MAML3: variants seen among roughly 807,000 people sequenced by gnomAD.
MAML3 encodes mastermind like transcriptional coactivator 3, also known as mastermind-like protein 3.
In MAML3, 27 loss-of-function variants were observed where a neutral mutation model predicts 101.9. The observed-to-expected ratio is 0.27, with a 90% CI of 0.20 to 0.37. The LOEUF (loss-of-function observed/expected upper bound fraction) is 0.37. Among genes scored for constraint, MAML3 ranks in the 10% least tolerant of loss-of-function variants. The probability of loss-of-function intolerance (pLI) is 1.00; values close to 1 mark genes in which losing one functional copy is unlikely to be tolerated. For synonymous variants in MAML3, 501 were observed against 555.9 expected (o/e 0.90, Z 1.39); for missense variants, 1,316 against 1,444.9 (o/e 0.91, Z 1.45).
chr4:140,144,228 T>C (rs1235649848), intron 1 of MAML3, among the ~76,000 whole-genome samples: 1 of 152,070 alleles, frequency 6.6e-6, no homozygotes, highest in East Asian at 1.9e-4. Flanking sequence ...TCCTGGGGTA[T>C]GGCCAAACCT....
intron 2 of MAML3, among the ~76,000 whole-genome samples, chr4:139,797,917 T>C (rs1436436232): frequency 6.6e-6 from 1 of 151,860 alleles, no homozygotes; most frequent in Admixed American, 6.6e-5. Context: ...AATATCCATA[T>C]TTTAGAATTG....
intron 1 of MAML3, among the ~76,000 whole-genome samples, chr4:139,893,839 C>T (rs1397792858): frequency 1.3e-5 from 2 of 152,032 alleles, no homozygotes; most frequent in East Asian, 1.9e-4. Flanking sequence ...TGCATGTGGC[C>T]GTGGTGAAAG....
chr4:140,121,762 T>C (rs932606253), intron 1 of MAML3, among the ~76,000 whole-genome samples: 1 of 152,228 alleles, frequency 6.6e-6, no homozygotes, highest in Admixed American at 6.5e-5. Context: ...CCCAATTTCA[T>C]AGCACATGCC....
chr4:140,030,460 A>G (rs1726890172), intron 1 of MAML3, among the ~76,000 whole-genome samples: 1 of 152,222 alleles, frequency 6.6e-6, no homozygotes, highest in South Asian at 2.1e-4. Context: ...TTTACTGGAC[A>G]GAGGAAAATA....
intron 1 of MAML3, among the ~76,000 whole-genome samples, chr4:139,963,134 A>G (rs1229238091): frequency 6.6e-6 from 1 of 152,182 alleles, no homozygotes; most frequent in African/African-American, 2.4e-5. Flanking sequence ...TAATGTGCAT[A>G]CAAGTTGGGT....
At chr4:139,950,031 C>G (rs1400330846) in intron 1 of MAML3, among the ~76,000 whole-genome samples, 1 of 152,112 alleles carries the variant, frequency 6.6e-6, no homozygotes, top group Non-Finnish European at 1.5e-5. Flanking sequence ...ATTTTGGACT[C>G]AAGACTGCAA....
At chr4:139,739,170 G>A (rs1729067446) in intron 2 of MAML3, among the ~76,000 whole-genome samples, 1 of 152,178 alleles carries the variant, frequency 6.6e-6, no homozygotes, top group African/African-American at 2.4e-5. Flanking sequence ...AGGTATAACT[G>A]GAGATGACAA....
At chr4:139,982,827 C>G (rs545362325) in intron 1 of MAML3, among the ~76,000 whole-genome samples, 1 of 152,180 alleles carries the variant, frequency 6.6e-6, no homozygotes, top group Non-Finnish European at 1.5e-5. Flanking sequence ...AGAAACCTGC[C>G]TCCCACCATC....
chr4:139,998,720 CT>C (rs1372715984), intron 1 of MAML3, among the ~76,000 whole-genome samples: 2 of 152,168 alleles, frequency 1.3e-5, no homozygotes, highest in Non-Finnish European at 2.9e-5. Flanking sequence ...TATTTTTCCC[CT>C]GAAAGTTGTT....
chr4:140,137,051 C>G (rs1218364294), intron 1 of MAML3, among the ~76,000 whole-genome samples: 1 of 152,256 alleles, frequency 6.6e-6, no homozygotes, highest in Non-Finnish European at 1.5e-5. Context: ...TGCAGTGGCG[C>G]TATCTCGGCT....
chr4:139,878,442 T>C (rs1023490849), intron 2 of MAML3, among the ~76,000 whole-genome samples: 1 of 152,212 alleles, frequency 6.6e-6, no homozygotes, highest in Non-Finnish European at 1.5e-5. Flanking sequence ...GTATCTTGCT[T>C]TGGTCCATAA....
chr4:140,095,031 AGAGGT>A (rs1728133154), intron 1 of MAML3, among the ~76,000 whole-genome samples: 1 of 152,220 alleles, frequency 6.6e-6, no homozygotes, highest in African/African-American at 2.4e-5. Flanking sequence ...TGACTGCAGC[AGAGGT>A]GCCTCTCCGC....
At position 139,942,211 on chromosome 4, in the gene MAML3, A is replaced by AGGCAGGCAGGC. The variant is rs879494193; in HGVS notation, c.469-51245_469-51244insGCCTGCCTGCC. Among the ~76,000 whole-genome samples, 28 of 148,898 alleles carry AGGCAGGCAGGC rather than the reference A, an allele frequency of 1.9e-4. 1 individual carries two copies. In the South Asian group the frequency reaches 2.3e-3, roughly 12 times the overall value. ...GCAGGCAGGCAGGCAGGCAGGCAGG[A>AGGCAGGCAGGC]AGGAAGACATCCTTTAATACCAGAA... On this transcript the variant is annotated intron_variant, in intron 1 of 4. Transcript: ENST00000509479.
chr4:139,923,862 T>G (rs1733174450), intron 1 of MAML3, among the ~76,000 whole-genome samples: 1 of 152,178 alleles, frequency 6.6e-6, no homozygotes, highest in African/African-American at 2.4e-5. Flanking sequence ...CTGGCTACCC[T>G]TATTATGAAG....
intron 2 of MAML3, among the ~76,000 whole-genome samples, chr4:139,831,287 T>G (rs977315128): frequency 6.6e-6 from 1 of 152,228 alleles, no homozygotes; most frequent in African/African-American, 2.4e-5. Flanking sequence ...TTTTAAACTT[T>G]TAATGATTTT....
chr4:139,846,786 C>A (rs1560812522), intron 2 of MAML3, among the ~76,000 whole-genome samples: 1 of 152,160 alleles, frequency 6.6e-6, no homozygotes, highest in East Asian at 1.9e-4. Flanking sequence ...ACTTCAAATA[C>A]CTATTGCATG....
chr4:140,047,266 G>T (rs547794997), intron 1 of MAML3, among the ~76,000 whole-genome samples: 9 of 152,154 alleles, frequency 5.9e-5, no homozygotes, highest in African/African-American at 1.9e-4. Context: ...TGCAGATTTG[G>T]GGGGAACGCA....
intron 1 of MAML3, among the ~76,000 whole-genome samples, chr4:140,048,710 A>G (rs1727220714): frequency 1.3e-5 from 2 of 152,248 alleles, no homozygotes; most frequent in South Asian, 4.1e-4. Flanking sequence ...AGCCTTTCAC[A>G]TTTCACTTTG....
In MAML3 at chr4:139,832,069, A is replaced by G. The variant is rs1204295245; in HGVS notation, c.2079+57288T>C. ...CAGCCTCCCAAAGTGCTGGGATTAC[A>G]GGCGTGAGCCATCATGCCCAGCCCC... On this transcript the variant is annotated intron_variant, in intron 2 of 4. Transcript: ENST00000509479. Among the ~76,000 whole-genome samples the G allele has an allele frequency of 2.8e-5, 4 of 142,968 alleles. No homozygotes were observed. The Admixed American group carries it at 3.0e-4, about 11-fold the overall frequency. The allele number at this position is 142,968 out of a possible 152,430, so 93.8% of individuals were successfully genotyped here. A position where few individuals can be genotyped will look rare whatever the true frequency, so the allele number is the denominator to read the frequency against.
Sources: gnomAD v4.1 joint callset for allele counts (sites outside exome capture counted in the v4.1 genomes callset) on GRCh38, gnomAD v4.1.1 for gene constraint, MANE v1.5 for transcripts, NCBI Gene and HGNC (gene_info 2026-07-23, HGNC 2026-07-21) for gene names.